Variants in TNN observed in about 807,000 individuals in gnomAD.
TNN encodes tenascin-N.
In TNN, 122 loss-of-function variants were observed where a neutral mutation model predicts 134.4. The observed-to-expected ratio is 0.91, with a 90% CI of 0.78 to 1.06. TNN has a LOEUF of 1.06. Among genes scored for constraint, TNN ranks in the 50% least tolerant of loss-of-function variants. TNN has a pLI of 0.00. For missense variants in TNN, 1,739 were observed against 1,699.4 expected (o/e 1.02, Z -0.41); for synonymous variants, 710 against 670.3 (o/e 1.06, Z -0.91).
intron 18 of TNN, 55 bp from the exon 19 acceptor site, chr1:175,146,876 C>G: frequency 4.8e-6 from 7 of 1,462,040 alleles, no homozygotes; most frequent in Non-Finnish European, 6.4e-6. Context: ...ATAACCCACC[C>G]TGCCCTCCTC....
intron 5 of TNN, among the ~76,000 whole-genome samples, 179 bp downstream of exon 5, chr1:175,084,114 T>A (rs374419263): frequency 6.6e-6 from 1 of 152,220 alleles, no homozygotes; most frequent in African/African-American, 2.4e-5. Context: ...GGGAGGCCTG[T>A]AGACTCTGCC....
chr1:175,138,661 C>G (rs1675875778), intron 17 of TNN, among the ~76,000 whole-genome samples: 1 of 152,192 alleles, frequency 6.6e-6, no homozygotes, highest in East Asian at 1.9e-4. Flanking sequence ...GATACTGTCA[C>G]TTCTTTCCTA....
chr1:175,136,879 G>A lies in TNN; in HGVS notation c.3486G>A (p.Val1162=). 1.2e-6 allele frequency: 2 copies of A among 1,614,134 alleles called. No individual in the cohort carries two copies. Among genetic ancestry groups the A allele is most frequent in the Non-Finnish European group, 1.7e-6 (2 of 1,180,018 alleles). The change falls in exon 17 of 19, where the codon GTG becomes GTA. Residue 1162 remains valine (V), a synonymous_variant. Coordinates refer to ENST00000239462, the MANE Select transcript of TNN (RefSeq NM_022093.2). ...CTCCAGCGCGGTATGAGGTGAGAGTGGATTTACAGACTGCCAATGAATCTG... is the reference window on the plus strand; with the variant it reads ...CTCCAGCGCGGTATGAGGTGAGAGTAGATTTACAGACTGCCAATGAATCTG... ...TGTPARYEVR[V]DLQTANESAY...
chr1:175,079,221 C>T, intron 2 of TNN, 112 bp from the exon 3 acceptor site: 3 of 1,283,644 alleles, frequency 2.3e-6, no homozygotes, highest in Non-Finnish European at 3.1e-6. Flanking sequence ...AATCACCAGA[C>T]CCTTAAGAGT....
chr1:175,134,539 C>A (rs1335715560), intron 15 of TNN, among the ~76,000 whole-genome samples: 1 of 90,886 alleles, frequency 1.1e-5, no homozygotes, highest in Non-Finnish European at 2.4e-5. Context: ...AGTGAGACTC[C>A]ATCTCAAAAA....
At chr1:175,103,035 G>A (rs1481266239) in intron 9 of TNN, among the ~76,000 whole-genome samples, 4 of 146,158 alleles carry the variant, frequency 2.7e-5, no homozygotes, top group Admixed American at 1.4e-4. Context: ...AGGGGTCCTC[G>A]GTAGAAGTTG....
intron 9 of TNN, among the ~76,000 whole-genome samples, chr1:175,107,669 G>C (rs1309259747): frequency 7.3e-6 from 1 of 136,994 alleles, no homozygotes; most frequent in Non-Finnish European, 1.6e-5. Flanking sequence ...GGCTCGGGCA[G>C]CCTGCTTTTA....
rs1676085495 is a variant in TNN at position 175,146,974 on chromosome 1, C to T, written c.3803C>T (p.Pro1268Leu). ...TGGAAAGGACATGAATTCTCCATTC[C>T]TTACGTGGAGTTGAAAATCCGCCCT... ...EPWKGHEFSIPYVELKIRPHG... is the reference protein window; with the variant it reads ...EPWKGHEFSILYVELKIRPHG... The change falls in exon 19 of 19, where the codon CCT (proline) becomes CTT (leucine). Residue 1268 changes from proline to leucine, a missense_variant. Pro to Leu is a moderately conservative substitution (Grantham distance 98). Transcript: ENST00000239462. The T allele has an allele frequency of 6.2e-7, 1 of 1,600,172 alleles. No individual in the cohort carries two copies. Among genetic ancestry groups the T allele is most frequent in the Admixed American group, 1.7e-5 (1 of 59,066 alleles).
chr1:175,073,012 T>TG (rs1417215641), intron 1 of TNN, among the ~76,000 whole-genome samples: 5 of 82,842 alleles, frequency 6.0e-5, no homozygotes, highest in African/African-American at 2.5e-4. Context: ...AGGCTGGGGG[T>TG]GGGGGGTCGG....
In TNN at chr1:175,118,739, G is replaced by C. The variant is rs760340036; in HGVS notation, c.2565G>C (p.Leu855=). The stretch of plus-strand genomic sequence containing the variant: ...AGAGCAGCACTGTCCTGACGGGCCT[G>C]AGGCCGGGCATGGAGTACACGGTGC... The part of the protein sequence containing the change: ...KEQSSTVLTG[L]RPGMEYTVHV... Residue 855 remains leucine (L), a synonymous_variant, in exon 11 of 19, where the codon CTG becomes CTC. Coordinates refer to ENST00000239462, the MANE Select transcript of TNN (RefSeq NM_022093.2). 1.9e-6 allele frequency: 3 copies of C among 1,614,234 alleles called. No individual in the cohort carries two copies. The Admixed American group carries it at 5.0e-5, about 27-fold the overall frequency.
At chr1:175,086,715 T>C (rs1482055987) in intron 6 of TNN, among the ~76,000 whole-genome samples, 8 of 152,258 alleles carry the variant, frequency 5.3e-5, no homozygotes, top group Non-Finnish European at 7.3e-5. Context: ...GAAACAGTTA[T>C]AGTTGGGCAT....
intron 1 of TNN, among the ~76,000 whole-genome samples, chr1:175,072,894 G>A (rs1269805902): frequency 6.8e-6 from 1 of 146,708 alleles, no homozygotes; most frequent in East Asian, 2.0e-4. Context: ...GCTCTGGGCA[G>A]CCTTACTGTG....
chr1:175,079,745 T>C, intron 3 of TNN, 38 bp downstream of exon 3: 5 of 1,537,900 alleles, frequency 3.3e-6, no homozygotes, highest in Non-Finnish European at 4.4e-6. Context: ...GCCGGACTCT[T>C]CTTTCCAATG....
chr1:175,140,338 C>A (rs959615542), intron 17 of TNN, among the ~76,000 whole-genome samples: 5 of 152,244 alleles, frequency 3.3e-5, no homozygotes, highest in African/African-American at 9.6e-5. Context: ...ATGCGTGGGA[C>A]CCTCCCTGGA....
In TNN at chr1:175,147,044, G is replaced by A. The variant is rs1480409010; in HGVS notation, c.3873G>A (p.Thr1291=). The A allele has an allele frequency of 3.8e-6, 6 of 1,591,090 alleles. No homozygotes were observed. Among genetic ancestry groups the A allele is most frequent in the Middle Eastern group, 1.7e-4 (1 of 5,970 alleles). Residue 1291 remains threonine, a synonymous_variant, in exon 19 of 19, where the codon ACG becomes ACA. Coordinates refer to ENST00000239462, the MANE Select transcript of TNN (RefSeq NM_022093.2). ...REPVLGRKKR[T]LRGRLRTF ...CTGTCCTGGGCAGAAAGAAGCGGACGCTGAGAGGAAGGCTGCGAACGTTCT... is the reference window on the plus strand; with the variant it reads ...CTGTCCTGGGCAGAAAGAAGCGGACACTGAGAGGAAGGCTGCGAACGTTCT...
chr1:175,077,946 G>A, intron 2 of TNN, 119 bp downstream of exon 2: 1 of 1,074,454 alleles, frequency 9.3e-7, no homozygotes, highest in African/African-American at 1.6e-5. Flanking sequence ...TTCTCATTCT[G>A]GGTTTTCTCT....
intron 9 of TNN, among the ~76,000 whole-genome samples, chr1:175,108,463 G>A (rs59487376): frequency 7.9e-5 from 12 of 152,164 alleles, no homozygotes; most frequent in South Asian, 2.1e-4. Flanking sequence ...GCTCGTACTC[G>A]TCAGCCCTTG....
intron 5 of TNN, among the ~76,000 whole-genome samples, chr1:175,084,402 G>T (rs1190983025): frequency 1.3e-5 from 2 of 152,158 alleles, no homozygotes; most frequent in African/African-American, 4.8e-5. Context: ...GTGAGCAGGG[G>T]TGGCTCTCTG....
intron 11 of TNN, among the ~76,000 whole-genome samples, chr1:175,121,145 A>G (rs1396437714): frequency 2.6e-5 from 4 of 152,220 alleles, no homozygotes; most frequent in Non-Finnish European, 5.9e-5. Flanking sequence ...CCACATTTCA[A>G]ATGGTCAGTA....
Sources: gnomAD v4.1 joint callset for allele counts (sites outside exome capture counted in the v4.1 genomes callset) on GRCh38, gnomAD v4.1.1 for gene constraint, MANE v1.5 for transcripts, NCBI Gene and HGNC (gene_info 2026-07-23, HGNC 2026-07-21) for gene names.